VPS13B: variants seen among roughly 807,000 people sequenced by gnomAD.
VPS13B encodes intermembrane lipid transfer protein VPS13B.
Under a neutral mutation model 426.4 loss-of-function variants are expected in VPS13B, and 285 were observed. The observed-to-expected ratio is 0.67, with a 90% CI of 0.61 to 0.74. The LOEUF is 0.74. Among genes scored for constraint, VPS13B ranks in the 30% least tolerant of loss-of-function variants. VPS13B has a pLI of 0.00. For synonymous variants in VPS13B, 1,676 were observed against 1,676.4 expected (o/e 1.00, Z 0.01); for missense variants, 4,537 against 4,782.6 (o/e 0.95, Z 1.51).
At chr8:99,758,295 A>C (rs1810744467) in intron 39 of VPS13B, among the ~76,000 whole-genome samples, 1 of 152,208 alleles carries the variant, frequency 6.6e-6, no homozygotes. Flanking sequence ...TAGTTGGGCA[A>C]TGTCAACTTC....
At chr8:99,384,470 T>G (rs1194367961) in intron 20 of VPS13B, among the ~76,000 whole-genome samples, 153 bp downstream of exon 20, 1 of 152,220 alleles carries the variant, frequency 6.6e-6, no homozygotes, top group African/African-American at 2.4e-5. Flanking sequence ...TTCCGTTCCC[T>G]TATTTTTGTA....
chr8:99,453,195 T>C (rs1209796310), intron 23 of VPS13B, among the ~76,000 whole-genome samples: 1 of 152,240 alleles, frequency 6.6e-6, no homozygotes, highest in Non-Finnish European at 1.5e-5. Context: ...GTGGTTTATA[T>C]GTATTGTTCT....
intron 19 of VPS13B, among the ~76,000 whole-genome samples, chr8:99,324,048 C>CG (rs1305672435): frequency 6.6e-6 from 1 of 152,114 alleles, no homozygotes; most frequent in Non-Finnish European, 1.5e-5. Flanking sequence ...ATGAGCAATC[C>CG]TATAGTTCAT....
At chr8:99,533,334 C>T (rs1823030566) in intron 30 of VPS13B, among the ~76,000 whole-genome samples, 1 of 152,100 alleles carries the variant, frequency 6.6e-6, no homozygotes, top group Non-Finnish European at 1.5e-5. Flanking sequence ...CCAAGTGATC[C>T]AAATACAGAT....
intron 19 of VPS13B, among the ~76,000 whole-genome samples, chr8:99,353,850 AAAAACTTCG>A (rs1812034480): frequency 6.6e-6 from 1 of 152,138 alleles, no homozygotes; most frequent in Admixed American, 6.5e-5. Flanking sequence ...TATGAAAAAT[AAAAACTTCG>A]AAGACTACAC....
rs112165288 is a variant in VPS13B, at chr8:99,297,006, T to TTA, written c.2824+21766_2824+21767dup. On this transcript the variant is annotated intron_variant, in intron 19 of 61. Coordinates refer to ENST00000357162, the MANE Select transcript of VPS13B (RefSeq NM_152564.5). Reference sequence around the variant, plus strand: ...AATTTAAGTATAAATATTTGTGTATTTATATATATATATATGAGGGGGAGG... The same window carrying TTA: ...AATTTAAGTATAAATATTTGTGTATTTATATATATATATATATGAGGGGGAGG... Among the ~76,000 whole-genome samples, 832 of 150,554 alleles carry TTA rather than the reference T, an allele frequency of 5.5e-3. 8 individuals carry two copies. The highest frequency in any genetic ancestry group is 0.018 in the African/African-American group (745 of 41,190).
intron 41 of VPS13B, 115 bp downstream of exon 41, chr8:99,777,071 G>A (rs1563912519): frequency 7.7e-7 from 1 of 1,306,712 alleles, no homozygotes; most frequent in Admixed American, 1.7e-5. Context: ...GAAGTATAAA[G>A]CGAGCAGTGG....
At chr8:99,026,842 T>C (rs1408570349) in intron 2 of VPS13B, among the ~76,000 whole-genome samples, 1 of 152,190 alleles carries the variant, frequency 6.6e-6, no homozygotes, top group Non-Finnish European at 1.5e-5. Flanking sequence ...GAGTTTCTTA[T>C]AGGCAGCATA....
At chr8:99,766,566 A>C (rs939378374) in intron 39 of VPS13B, among the ~76,000 whole-genome samples, 1 of 152,144 alleles carries the variant, frequency 6.6e-6, no homozygotes, top group African/African-American at 2.4e-5. Flanking sequence ...GGCTGTTTTT[A>C]TATATTATTC....
chr8:99,350,241 G>A (rs889603764), intron 19 of VPS13B, among the ~76,000 whole-genome samples: 1 of 152,164 alleles, frequency 6.6e-6, no homozygotes, highest in African/African-American at 2.4e-5. Context: ...AGATAATGCT[G>A]TAGAGAAACA....
intron 19 of VPS13B, among the ~76,000 whole-genome samples, chr8:99,307,540 T>TTTA (rs1202659085): frequency 3.3e-5 from 5 of 152,086 alleles, no homozygotes. Context: ...TCCCTTTTGG[T>TTTA]TTGTTCCCTA....
chr8:99,468,413 C>T (rs1241278212), intron 24 of VPS13B, among the ~76,000 whole-genome samples: 1 of 151,848 alleles, frequency 6.6e-6, no homozygotes, highest in Non-Finnish European at 1.5e-5. Context: ...TGGTCTATGA[C>T]ACCTGAAATC....
intron 7 of VPS13B, among the ~76,000 whole-genome samples, chr8:99,116,276 C>T (rs1460948230): frequency 6.6e-6 from 1 of 151,736 alleles, no homozygotes; most frequent in Non-Finnish European, 1.5e-5. Context: ...TTGTGATCTG[C>T]CCGCCTCAGC....
At chr8:99,205,261 A>G (rs1814629175) in intron 17 of VPS13B, among the ~76,000 whole-genome samples, 1 of 152,150 alleles carries the variant, frequency 6.6e-6, no homozygotes, top group Non-Finnish European at 1.5e-5. Context: ...TGAACAGAAA[A>G]CCAAACACCA....
At chr8:99,398,407 A>G (rs1814857415) in intron 21 of VPS13B, among the ~76,000 whole-genome samples, 1 of 152,242 alleles carries the variant, frequency 6.6e-6, no homozygotes, top group African/African-American at 2.4e-5. Flanking sequence ...GACATGCTGT[A>G]GAATCATCAA....
chr8:99,733,754 T>G (rs1489747713), intron 39 of VPS13B, among the ~76,000 whole-genome samples: 1 of 152,162 alleles, frequency 6.6e-6, no homozygotes, highest in African/African-American at 2.4e-5. Flanking sequence ...TTAAAAAAAA[T>G]GAAACTTTAT....
chr8:99,082,136 T>A (rs987425827), intron 3 of VPS13B, among the ~76,000 whole-genome samples: 2 of 152,356 alleles, frequency 1.3e-5, no homozygotes, highest in South Asian at 4.1e-4. Flanking sequence ...GTTTCCTGAC[T>A]TTTTAATGAG....
chr8:99,461,894 A>T (rs1818853189), intron 23 of VPS13B, among the ~76,000 whole-genome samples: 3 of 152,092 alleles, frequency 2.0e-5, no homozygotes, highest in African/African-American at 7.3e-5. Context: ...TCTTTCTACC[A>T]CTAGAATGCA....
At chr8:99,838,506 C>G (rs1204233745) in intron 54 of VPS13B, among the ~76,000 whole-genome samples, 1 of 152,114 alleles carries the variant, frequency 6.6e-6, no homozygotes, top group Non-Finnish European at 1.5e-5. Context: ...ACTTAACTAC[C>G]AACAACATTG....
Sources: allele counts gnomAD v4.1 joint callset (sites outside exome capture counted in the v4.1 genomes callset), GRCh38; gene constraint gnomAD v4.1.1; transcripts MANE v1.5; gene names NCBI Gene and HGNC (gene_info 2026-07-23, HGNC 2026-07-21).